ICA1: variants seen among roughly 807,000 people sequenced by gnomAD.
The protein encoded by ICA1 is islet cell autoantigen 1.
Under a neutral mutation model 71.0 loss-of-function variants are expected in ICA1, and 40 were observed. That is an observed-to-expected ratio of 0.56 (90% confidence interval 0.44 to 0.73). The LOEUF is 0.73. Among genes scored for constraint, ICA1 ranks in the 30% least tolerant of loss-of-function variants. The pLI is 0.00. For synonymous variants in ICA1, 207 were observed against 209.5 expected (o/e 0.99, Z 0.10); for missense variants, 578 against 576.5 (o/e 1.00, Z -0.03).
At chr7:8,122,362 C>A (rs572028831) in intron 13 of ICA1, among the ~76,000 whole-genome samples, 1 of 152,234 alleles carries the variant, frequency 6.6e-6, no homozygotes, top group African/African-American at 2.4e-5. Context: ...GGTGGAACAA[C>A]TGCAACAACT....
At chr7:8,128,231 G>A in intron 12 of ICA1, 89 bp from the exon 13 acceptor site, 4 of 1,309,480 alleles carry the variant, frequency 3.1e-6, no homozygotes, top group South Asian at 1.4e-5. Flanking sequence ...GGGGGAGACT[G>A]GTTGATGGCT....
Position 8,223,256 on chromosome 7 carries a change from G to A in ICA1, c.257-1858C>T, listed in dbSNP as rs1244422963. Among the ~76,000 whole-genome samples, 1 of 152,076 alleles carries A rather than the reference G, an allele frequency of 6.6e-6. No homozygotes were observed. ...AGGCTACTGTCACCCTTTTTACCTT[G>A]AAGTCTCAAGTCACATACAAATGAA... On this transcript the variant is annotated intron_variant, in intron 4 of 13. Coordinates refer to ENST00000402384, the MANE Select transcript of ICA1 (RefSeq NM_001136020.3). The surrounding 1 kb of genome is among the most constrained non-coding windows in gnomAD (Gnocchi z 4.1).
chr7:8,255,635 T>C (rs897622592), intron 1 of ICA1, among the ~76,000 whole-genome samples: 1 of 152,172 alleles, frequency 6.6e-6, no homozygotes, highest in African/African-American at 2.4e-5. Context: ...CCTGGATTGT[T>C]CCACAGGCAC....
chr7:8,167,481 T>C (rs1177403655), intron 6 of ICA1, among the ~76,000 whole-genome samples: 1 of 151,924 alleles, frequency 6.6e-6, no homozygotes, highest in Non-Finnish European at 1.5e-5. Context: ...TGCGGGTAGG[T>C]GGAGGGTGGG....
intron 6 of ICA1, among the ~76,000 whole-genome samples, chr7:8,212,342 A>G (rs139873727): frequency 2.0e-4 from 31 of 152,340 alleles, no homozygotes; most frequent in African/African-American, 6.5e-4. Context: ...AGGTGGGCAG[A>G]TCACTTGAGG....
At chr7:8,258,688 T>G (rs1238154136) in intron 1 of ICA1, among the ~76,000 whole-genome samples, 1 of 152,234 alleles carries the variant, frequency 6.6e-6, no homozygotes, top group East Asian at 1.9e-4. Flanking sequence ...TCACATGTAG[T>G]CTTCCCTGTC....
chr7:8,119,494 T>C (rs1205673545), intron 13 of ICA1, among the ~76,000 whole-genome samples: 2 of 152,238 alleles, frequency 1.3e-5, no homozygotes, highest in South Asian at 2.1e-4. Context: ...TCATGTAATG[T>C]GCGTGTTCTT....
intron 6 of ICA1, among the ~76,000 whole-genome samples, chr7:8,167,353 C>T (rs747451379): frequency 3.3e-5 from 5 of 152,144 alleles, no homozygotes; most frequent in Non-Finnish European, 7.4e-5. Context: ...GGTCATTATC[C>T]TAAGTGAACT....
Position 8,226,121 on chromosome 7 carries a change from T to C in ICA1, c.256+2480A>G, listed in dbSNP as rs763966906. Among the ~76,000 whole-genome samples, 35 of 152,188 alleles carry C rather than the reference T, an allele frequency of 2.3e-4. No individual in the cohort carries two copies. The highest frequency in any genetic ancestry group is 3.5e-4 in the Non-Finnish European group (24 of 68,016). On this transcript the variant is annotated intron_variant, in intron 4 of 13. Coordinates refer to ENST00000402384, the MANE Select transcript of ICA1 (RefSeq NM_001136020.3). This position sits in a 1 kb window ranked among gnomAD's most constrained non-coding sequence, Gnocchi z 4.4. ...CATTTTAGATTTTCCCACATCTGGC[T>C]GGGTTTAAGTATTTTTTGAGTCTAT...
chr7:8,262,262 C>G (rs1391822480), upstream of ICA1: 1 of 152,066 alleles, frequency 6.6e-6, no homozygotes, highest in Non-Finnish European at 1.5e-5. Context: ...CGGCGGAGCC[C>G]GTGCGCACCG....
intron 6 of ICA1, among the ~76,000 whole-genome samples, chr7:8,217,887 G>C (rs1261440106): frequency 6.6e-6 from 1 of 152,090 alleles, no homozygotes; most frequent in Non-Finnish European, 1.5e-5. Context: ...TGAACATATC[G>C]CAAAACAAAG....
intron 10 of ICA1, among the ~76,000 whole-genome samples, chr7:8,140,960 G>A (rs1270245235): frequency 1.3e-5 from 2 of 152,238 alleles, no homozygotes; most frequent in African/African-American, 4.8e-5. Flanking sequence ...GAAGCAGGAA[G>A]AGATGCATAT....
chr7:8,184,100 G>A (rs1414451353), intron 6 of ICA1, among the ~76,000 whole-genome samples: 2 of 152,174 alleles, frequency 1.3e-5, no homozygotes, highest in Admixed American at 6.5e-5. Context: ...AGCATCTTCT[G>A]CATACAGAAA....
At chr7:8,216,446 TA>T (rs199505955) in intron 6 of ICA1, among the ~76,000 whole-genome samples, 2 of 142,534 alleles carry the variant, frequency 1.4e-5, no homozygotes, top group Non-Finnish European at 3.0e-5. Context: ...GATTTTTTTT[TA>T]AAAAAACATG....
chr7:8,152,807 C>CACCATCACCACA, intron 8 of ICA1, among the ~76,000 whole-genome samples: 1 of 148,604 alleles, frequency 6.7e-6, no homozygotes, highest in Non-Finnish European at 1.5e-5. Context: ...CCACCACCAC[C>CACCATCACCACA]ACCACCATCT....
intron 6 of ICA1, among the ~76,000 whole-genome samples, chr7:8,170,508 C>A (rs7788500): frequency 6.6e-6 from 1 of 152,008 alleles, no homozygotes; most frequent in Non-Finnish European, 1.5e-5. Flanking sequence ...TGTCTTGGCA[C>A]TTTTTGGGTA....
intron 1 of ICA1, among the ~76,000 whole-genome samples, chr7:8,253,240 A>G (rs1273722850): frequency 2.0e-5 from 3 of 152,214 alleles, no homozygotes; most frequent in Admixed American, 6.5e-5. Flanking sequence ...ATTCTGTCAG[A>G]GATGTCATTA....
chr7:8,200,135 T>C (rs1329851249), intron 6 of ICA1, among the ~76,000 whole-genome samples: 2 of 152,094 alleles, frequency 1.3e-5, no homozygotes, highest in East Asian at 3.9e-4. Context: ...GTGATTATTA[T>C]GCATTGCACG....
intron 6 of ICA1, among the ~76,000 whole-genome samples, chr7:8,163,904 GA>G (rs1373345769): frequency 6.6e-6 from 1 of 152,148 alleles, no homozygotes; most frequent in African/African-American, 2.4e-5. Flanking sequence ...TGGAATAGCA[GA>G]AAAACACTGG....
Sources: gnomAD v4.1 joint callset for allele counts (sites outside exome capture counted in the v4.1 genomes callset) on GRCh38, gnomAD v4.1.1 for gene constraint, Gnocchi (gnomAD v3.1) non-coding constraint, MANE v1.5 for transcripts, NCBI Gene and HGNC (gene_info 2026-07-23, HGNC 2026-07-21) for gene names.